Variants in LGI3 observed in about 807,000 individuals in gnomAD.
LGI3 encodes the protein leucine rich repeat LGI family member 3.
In LGI3, 47 loss-of-function variants were observed where a neutral mutation model predicts 55.4. That is an observed-to-expected ratio of 0.85 (90% confidence interval 0.67 to 1.08). LGI3 has a LOEUF of 1.08. LGI3 is among the 50% of genes least tolerant of loss of function. The pLI is 0.00. For synonymous variants in LGI3, 326 were observed against 315.0 expected (o/e 1.04, Z -0.37); for missense variants, 664 against 726.3 (o/e 0.91, Z 0.99).
intron 2 of LGI3, chr8:22,154,932 G>A: frequency 2.1e-6 from 1 of 466,168 alleles, no homozygotes; most frequent in Non-Finnish European, 3.9e-6. Context: ...CCCTCATTCT[G>A]TCCCATTCCA....
chr8:22,148,034 T>C lies in LGI3; in HGVS notation c.*126A>G. On this transcript the variant is annotated 3_prime_UTR_variant, in exon 8 of 8. Coordinates refer to ENST00000306317, the MANE Select transcript of LGI3 (RefSeq NM_139278.4). The surrounding 1 kb of genome is among the most constrained non-coding windows in gnomAD (Gnocchi z 7.0). The stretch of plus-strand genomic sequence containing the variant: ...GGGGTGCGCCTGTACACACTGGGCG[T>C]GTGCGGATACAAGGGCATGAATGCA... 1 of 790,716 alleles carries C rather than the reference T, an allele frequency of 1.3e-6. No individual in the cohort carries two copies. The highest frequency in any genetic ancestry group is 2.5e-5 in the East Asian group (1 of 40,782). The allele number at this position is 790,716 out of a possible 1,614,324, so 49.0% of individuals were successfully genotyped here.
At position 22,148,872 on chromosome 8, in the gene LGI3, G is replaced by T. The variant is rs572016004; in HGVS notation, c.935C>A (p.Thr312Asn). ...GSYIYHWDPN[T>N]TRFTRLQDID... ...GTCTTGCAGCCTGGTGAAGCGCGTG[G>T]TGTTGGGATCCCAGTGGTAAATGTA... Residue 312 changes from threonine to asparagine, a missense_variant, in exon 8 of 8, where the codon ACC (threonine) becomes AAC (asparagine). Transcript: ENST00000306317. This position sits in a 1 kb window ranked among gnomAD's most constrained non-coding sequence, Gnocchi z 7.0. 3.7e-6 allele frequency: 6 copies of T among 1,614,202 alleles called. No homozygotes were observed. The highest frequency in any genetic ancestry group is 5.1e-6 in the Non-Finnish European group (6 of 1,180,032).
In LGI3 at chr8:22,156,468, C is replaced by A; in HGVS notation, c.75G>T (p.Met25Ile). The change falls in exon 1 of 8, where the codon ATG (methionine) becomes ATT (isoleucine). Residue 25 changes from methionine (M) to isoleucine (I), a missense_variant. Met to Ile is a conservative substitution (Grantham distance 10, BLOSUM62 1). Coordinates refer to ENST00000306317, the MANE Select transcript of LGI3 (RefSeq NM_139278.4). ...LALSALGFCL[M>I]LQVSAKRPPK... is the part of the protein sequence containing the mutation. ...GGGGCCTCTTAGCGCTGACTTGCAG[C>A]ATGAGGCAGAAGCCGAGCGCGGAGA... The A allele has an allele frequency of 6.7e-7, 1 of 1,501,058 alleles. No homozygotes were observed. 93.0% of individuals were successfully genotyped at this position (1,501,058 alleles called of 1,614,324 possible). A position where few individuals can be genotyped will look rare whatever the true frequency, so the allele number is the denominator to read the frequency against.
intron 2 of LGI3, 76 bp downstream of exon 2, chr8:22,155,316 C>G: frequency 1.4e-6 from 2 of 1,394,926 alleles, no homozygotes; most frequent in East Asian, 2.3e-5. Context: ...TCCACTCTCC[C>G]TCTCCCCAGC....
chr8:22,150,211 ACT>A (rs1475595598), intron 7 of LGI3, among the ~76,000 whole-genome samples: 2 of 151,266 alleles, frequency 1.3e-5, no homozygotes, highest in Non-Finnish European at 2.9e-5. Flanking sequence ...CCAGGGAAAC[ACT>A]CTGGGCCAGG....
Position 22,148,444 on chromosome 8 carries a change from G to A in LGI3, c.1363C>T (p.Arg455Cys), listed in dbSNP as rs142110799. ...DSKILRWEGT[R>C]FSEVQALPSR... ...GGCAGGGCCTGCACCTCCGAGAAGC[G>A]GGTACCCTCCCAGCGCAGGATCTTG... The change falls in exon 8 of 8, where the codon CGC becomes TGC. Residue 455 changes from arginine (R) to cysteine (C), a missense_variant. By Grantham distance (180) the Arg-to-Cys change is radical. Transcript: ENST00000306317. This position sits in a 1 kb window ranked among gnomAD's most constrained non-coding sequence, Gnocchi z 7.0. 283 of 1,612,104 alleles carry A rather than the reference G, an allele frequency of 1.8e-4. No homozygotes were observed. Among genetic ancestry groups the A allele is most frequent in the Middle Eastern group, 3.3e-4 (2 of 6,084 alleles).
chr8:22,153,561 G>A (rs1827407950), intron 5 of LGI3, among the ~76,000 whole-genome samples: 1 of 151,884 alleles, frequency 6.6e-6, no homozygotes, highest in African/African-American at 2.4e-5. Flanking sequence ...AATTAGCCGG[G>A]CGTGGTGGCG....
chr8:22,155,344 C>A, intron 2 of LGI3, 48 bp downstream of exon 2: 7 of 1,570,530 alleles, frequency 4.5e-6, no homozygotes, highest in Non-Finnish European at 6.1e-6. Context: ...TTGTCCCCTG[C>A]TACCACCCCA....
chr8:22,154,681 C>G, intron 2 of LGI3, 50 bp from the exon 3 acceptor site: 2 of 1,354,970 alleles, frequency 1.5e-6, no homozygotes, highest in South Asian at 2.3e-5. Flanking sequence ...GCCTGCTGCC[C>G]CAGCCCCCAG....
At chr8:22,149,603 A>G (rs1827352171) in intron 7 of LGI3, among the ~76,000 whole-genome samples, 1 of 152,186 alleles carries the variant, frequency 6.6e-6, no homozygotes, top group African/African-American at 2.4e-5. Flanking sequence ...ACAAGAATGC[A>G]TGCCCATGTG....
In LGI3 at chr8:22,151,764, G is replaced by C. The variant is rs1209450540; in HGVS notation, c.664+67C>G. 3 of 1,568,920 alleles carry C rather than the reference G, an allele frequency of 1.9e-6. No homozygotes were observed. The African/African-American group carries it at 4.0e-5, about 21-fold the overall frequency. ...TGGGTGTTGTGGGGCAGGGTGGGGGGTTTCGTGTCTGTAAAGCTGCCTTGG... is the reference window on the plus strand; with the variant it reads ...TGGGTGTTGTGGGGCAGGGTGGGGGCTTTCGTGTCTGTAAAGCTGCCTTGG... On this transcript the variant is annotated intron_variant, in intron 6 of 7. Transcript: ENST00000306317.
chr8:22,155,236 T>G (rs1424809806), intron 2 of LGI3, 156 bp downstream of exon 2: 5 of 717,268 alleles, frequency 7.0e-6, no homozygotes, highest in Non-Finnish European at 1.2e-5. Context: ...GGCTGCCCCG[T>G]CTTTTGGGTA....
chr8:22,149,018 G>A (rs373790784), intron 7 of LGI3, 41 bp from the exon 8 acceptor site: 15 of 1,472,314 alleles, frequency 1.0e-5, no homozygotes, highest in African/African-American at 2.8e-5. Context: ...GCAGGCCGGC[G>A]GCTCCCACTC....
chr8:22,151,913 G>A lies in LGI3; in HGVS notation c.582C>T (p.Pro194=). ...AGCGGGGCGGGCTGGCGCAGTAGAT[G>A]GGTGCCACCGTGGTGTTGGTGTGTG... ...WLAHTNTTVA[P]IYCASPPRFQ... is the part of the protein sequence containing the mutation. Residue 194 remains proline (P), a synonymous_variant, in exon 6 of 8, where the codon CCC becomes CCT. Coordinates refer to ENST00000306317, the MANE Select transcript of LGI3 (RefSeq NM_139278.4). 6.2e-7 allele frequency: 1 copy of A among 1,613,246 alleles called. No homozygotes were observed. The highest frequency in any genetic ancestry group is 1.1e-5 in the South Asian group (1 of 91,066).
Position 22,154,540 on chromosome 8 carries a change from C to A in LGI3, c.350+20G>T. ...CCCCCTCCCTTCTGCTTTCCCATTG[C>A]CCCTTTCCCTCCCACACACAGATAC... On this transcript the variant is annotated intron_variant, in intron 3 of 7. Coordinates refer to ENST00000306317, the MANE Select transcript of LGI3 (RefSeq NM_139278.4). 1 of 1,611,030 alleles carries A rather than the reference C, an allele frequency of 6.2e-7. No homozygotes were observed. Among genetic ancestry groups the A allele is most frequent in the Non-Finnish European group, 8.5e-7 (1 of 1,177,214 alleles).
intron 1 of LGI3, 56 bp from the exon 2 acceptor site, chr8:22,155,519 G>A (rs1467120244): frequency 2.3e-5 from 34 of 1,464,834 alleles, no homozygotes; most frequent in Non-Finnish European, 3.2e-5. Flanking sequence ...GCTGAGGCAG[G>A]GAGAGGTGAA....
At chr8:22,152,041 A>G (rs1368515614) in intron 5 of LGI3, 41 bp from the exon 6 acceptor site, 3 of 1,526,650 alleles carry the variant, frequency 2.0e-6, no homozygotes, top group African/African-American at 2.7e-5. Context: ...AGAGAAAGAC[A>G]TGCTCTCAGG....
Position 22,148,519 on chromosome 8 carries a change from G to T in LGI3, c.1288C>A (p.Arg430Ser), listed in dbSNP as rs531970563. 1 of 1,613,632 alleles carries T rather than the reference G, an allele frequency of 6.2e-7. No individual in the cohort carries two copies. Reference protein sequence around the residue: ...VPDAQAVKHFRAGRDSYLCLS... With the variant: ...VPDAQAVKHFSAGRDSYLCLS... Reference sequence around the variant, plus strand: ...CACAGGTAGCTGTCGCGGCCGGCACGAAAGTGTTTCACAGCTTGGGCATCA... The same window carrying T: ...CACAGGTAGCTGTCGCGGCCGGCACTAAAGTGTTTCACAGCTTGGGCATCA... The change falls in exon 8 of 8, where the codon CGT (arginine) becomes AGT (serine). Residue 430 changes from arginine (R) to serine (S), a missense_variant. By Grantham distance (110) the Arg-to-Ser change is moderately radical. Coordinates refer to ENST00000306317, the MANE Select transcript of LGI3 (RefSeq NM_139278.4). The surrounding 1 kb of genome is among the most constrained non-coding windows in gnomAD (Gnocchi z 7.0).
intron 2 of LGI3, 106 bp downstream of exon 2, chr8:22,155,286 G>A (rs185459571): frequency 7.2e-5 from 74 of 1,021,260 alleles, no homozygotes; most frequent in African/African-American, 5.6e-4. Context: ...CTGCATCTTC[G>A]TCTGCAGAGG....
Sources: gnomAD v4.1 joint callset for allele counts (sites outside exome capture counted in the v4.1 genomes callset) on GRCh38, gnomAD v4.1.1 for gene constraint, Gnocchi (gnomAD v3.1) non-coding constraint, MANE v1.5 for transcripts, NCBI Gene and HGNC (gene_info 2026-07-23, HGNC 2026-07-21) for gene names.